Variants in SNTG1 observed in about 807,000 individuals in gnomAD.
SNTG1 encodes gamma-1-syntrophin.
In SNTG1, 39 loss-of-function variants were observed where a neutral mutation model predicts 74.7. The ratio of observed to expected loss-of-function variants is 0.52; its 90% confidence interval spans 0.40 to 0.68. The LOEUF (loss-of-function observed/expected upper bound fraction) is 0.68. SNTG1 is among the 30% of genes least tolerant of loss of function. SNTG1 has a pLI of 0.00. For synonymous variants in SNTG1, 254 were observed against 217.1 expected, an observed-to-expected ratio of 1.17 and a Z score of -1.49; for missense variants, 685 against 609.5, an observed-to-expected ratio of 1.12 and a Z score of -1.30.
At chr8:50,718,126 G>C (rs957132018) in intron 17 of SNTG1, among the ~76,000 whole-genome samples, 2 of 152,002 alleles carry the variant, frequency 1.3e-5, no homozygotes, top group Non-Finnish European at 2.9e-5. Flanking sequence ...TAGATTAATG[G>C]GCCATTAGCA....
At chr8:49,938,680 C>T (rs1041367783) in intron 1 of SNTG1, among the ~76,000 whole-genome samples, 2 of 141,418 alleles carry the variant, frequency 1.4e-5, no homozygotes, top group Non-Finnish European at 3.1e-5. Context: ...TCCTTCCTTC[C>T]CTCCTTCTTT....
chr8:50,790,162 A>G (rs1397701019), intron 18 of SNTG1, among the ~76,000 whole-genome samples: 1 of 151,798 alleles, frequency 6.6e-6, no homozygotes, highest in Non-Finnish European at 1.5e-5. Context: ...TCATATTCTG[A>G]CATATTGTCC....
intron 13 of SNTG1, among the ~76,000 whole-genome samples, chr8:50,600,149 A>T (rs974450520): frequency 2.6e-5 from 4 of 152,112 alleles, no homozygotes; most frequent in Non-Finnish European, 5.9e-5. Context: ...TCTGTGATAA[A>T]TCCCACTTGG....
Position 50,592,920 on chromosome 8 carries a change from C to A in SNTG1, c.849+2003C>A, listed in dbSNP as rs929078001. Among the ~76,000 whole-genome samples the A allele has an allele frequency of 6.6e-5, 10 of 152,014 alleles. No individual in the cohort carries two copies. In the South Asian group the frequency reaches 2.1e-3, roughly 32 times the overall value. ...GAAATAGGATTAATTTATAGTTAAA[C>A]ATTTATATTATTGCATAATTAGGAA... On this transcript the variant is annotated intron_variant, in intron 13 of 18. Transcript: ENST00000642720.
chr8:50,687,327 GAAATGAATTAAATTCTCCAAT>G (rs1452662602), intron 15 of SNTG1, among the ~76,000 whole-genome samples: 9 of 151,966 alleles, frequency 5.9e-5, no homozygotes, highest in African/African-American at 2.2e-4. Flanking sequence ...ATCTTGAGTA[GAAATGAATTAAATTCTCCAAT>G]AAATGAATGA....
intron 9 of SNTG1, among the ~76,000 whole-genome samples, chr8:50,527,339 T>C (rs1181362074): frequency 1.3e-5 from 2 of 152,150 alleles, no homozygotes; most frequent in African/African-American, 4.8e-5. Flanking sequence ...AAGCTTTATT[T>C]CCTTTTATTG....
intron 8 of SNTG1, among the ~76,000 whole-genome samples, chr8:50,469,595 C>T (rs1587726871): frequency 6.6e-6 from 1 of 152,184 alleles, no homozygotes; most frequent in East Asian, 1.9e-4. Context: ...TCACACTCAC[C>T]TTAAGGCCTT....
intron 1 of SNTG1, among the ~76,000 whole-genome samples, chr8:50,048,059 G>C (rs1448973450): frequency 2.0e-5 from 3 of 151,986 alleles, no homozygotes; most frequent in African/African-American, 7.3e-5. Context: ...AATCATCCTT[G>C]CAGGTGTAAT....
intron 4 of SNTG1, among the ~76,000 whole-genome samples, chr8:50,412,871 G>A (rs894145018): frequency 6.6e-6 from 1 of 152,214 alleles, no homozygotes; most frequent in Non-Finnish European, 1.5e-5. Context: ...AAGGTGGGGT[G>A]CAAAGTGTAT....
At chr8:50,471,478 A>G (rs1183161285) in intron 8 of SNTG1, among the ~76,000 whole-genome samples, 1 of 152,202 alleles carries the variant, frequency 6.6e-6, no homozygotes, top group East Asian at 1.9e-4. Flanking sequence ...AATGCTGGCA[A>G]AGATGCAAAG....
intron 18 of SNTG1, among the ~76,000 whole-genome samples, chr8:50,763,551 A>G (rs935420977): frequency 6.7e-6 from 1 of 149,942 alleles, no homozygotes; most frequent in Non-Finnish European, 1.5e-5. Context: ...TGTTTTTATT[A>G]GTATTATACT....
intron 2 of SNTG1, among the ~76,000 whole-genome samples, chr8:50,368,005 T>C (rs942843816): frequency 9.9e-5 from 15 of 152,098 alleles, no homozygotes; most frequent in African/African-American, 3.1e-4. Flanking sequence ...GAAGGGACTA[T>C]TGGTAGAAAC....
At chr8:50,255,860 A>G (rs1214645111) in intron 2 of SNTG1, among the ~76,000 whole-genome samples, 1 of 152,074 alleles carries the variant, frequency 6.6e-6, no homozygotes, top group Non-Finnish European at 1.5e-5. Context: ...GGGAGACACC[A>G]TGCAGTCTGT....
chr8:50,775,894 C>G (rs569226829), intron 18 of SNTG1, among the ~76,000 whole-genome samples: 1 of 151,556 alleles, frequency 6.6e-6, no homozygotes, highest in African/African-American at 2.4e-5. Context: ...ATTTTCTTTA[C>G]TTTGAAGTTT....
intron 2 of SNTG1, among the ~76,000 whole-genome samples, chr8:50,363,261 A>T (rs1011624537): frequency 1.5e-4 from 23 of 152,154 alleles, no homozygotes; most frequent in Non-Finnish European, 3.2e-4. Context: ...AAAATAAACA[A>T]GTATGATCCC....
intron 8 of SNTG1, among the ~76,000 whole-genome samples, chr8:50,484,157 C>CTTTCT (rs1563453694): frequency 7.9e-3 from 219 of 27,818 alleles, no homozygotes; most frequent in East Asian, 0.014. Flanking sequence ...TCTTTCCTTC[C>CTTTCT]TTCCTTCCTT....
chr8:50,400,038 C>T (rs895865281), intron 3 of SNTG1, among the ~76,000 whole-genome samples: 16 of 152,088 alleles, frequency 1.1e-4, no homozygotes, highest in African/African-American at 3.9e-4. Context: ...GAGTGTGCAT[C>T]AGCACACGAG....
At chr8:50,071,899 C>A (rs1821402013) in intron 1 of SNTG1, among the ~76,000 whole-genome samples, 1 of 150,764 alleles carries the variant, frequency 6.6e-6, no homozygotes, top group South Asian at 2.1e-4. Flanking sequence ...AGATAAGCAT[C>A]AGGAATAAAA....
intron 10 of SNTG1, among the ~76,000 whole-genome samples, chr8:50,534,361 C>A (rs909738062): frequency 1.3e-5 from 2 of 152,158 alleles, no homozygotes; most frequent in African/African-American, 4.8e-5. Context: ...GGTCCTGGGC[C>A]ACTTGCAATC....
Sources: gnomAD v4.1 joint callset for allele counts (sites outside exome capture counted in the v4.1 genomes callset) on GRCh38, gnomAD v4.1.1 for gene constraint, MANE v1.5 for transcripts, NCBI Gene and HGNC (gene_info 2026-07-23, HGNC 2026-07-21) for gene names.